The following CDC42BPA variants were observed in gnomAD, a reference collection of about 807,000 sequenced individuals.
CDC42BPA encodes the protein CDC42 binding protein kinase alpha, also known as serine/threonine-protein kinase MRCK alpha.
In CDC42BPA, 80 loss-of-function variants were observed where a neutral mutation model predicts 223.5. That is an observed-to-expected ratio of 0.36 (90% CI 0.30 to 0.43). The LOEUF is 0.43. Ranked by LOEUF, CDC42BPA falls within the 20% of genes least tolerant of loss-of-function variation. CDC42BPA has a pLI of 1.00. For missense variants in CDC42BPA, 1,743 were observed against 2,099.9 expected, an observed-to-expected ratio of 0.83 and a Z score of 3.32; for synonymous variants, 694 against 718.6, an observed-to-expected ratio of 0.97 and a Z score of 0.55.
intron 1 of CDC42BPA, among the ~76,000 whole-genome samples, chr1:227,276,600 G>A (rs972908317): frequency 9.2e-5 from 14 of 152,236 alleles, no homozygotes; most frequent in Admixed American, 2.0e-4. Context: ...TTGAGAGCGG[G>A]CCATGATGAC....
chr1:226,997,576 T>A (rs2148260212), intron 35 of CDC42BPA, among the ~76,000 whole-genome samples: 1 of 152,354 alleles, frequency 6.6e-6, no homozygotes, highest in African/African-American at 2.4e-5. Flanking sequence ...CGCTTTCTCC[T>A]GTGGGCATTT....
At chr1:227,250,077 C>T (rs1375311273) in intron 2 of CDC42BPA, among the ~76,000 whole-genome samples, 1 of 152,114 alleles carries the variant, frequency 6.6e-6, no homozygotes, top group Non-Finnish European at 1.5e-5. Flanking sequence ...TTTGAAATAA[C>T]GTGGATATCC....
chr1:227,287,662 G>A (rs1171925260), intron 1 of CDC42BPA, among the ~76,000 whole-genome samples: 1 of 152,084 alleles, frequency 6.6e-6, no homozygotes, highest in Non-Finnish European at 1.5e-5. Context: ...GGGTTCCTAC[G>A]TGACTAGCCA....
intron 4 of CDC42BPA, among the ~76,000 whole-genome samples, chr1:227,197,702 C>T (rs1344499515): frequency 3.3e-5 from 5 of 151,978 alleles, no homozygotes; most frequent in Non-Finnish European, 7.4e-5. Context: ...TTAAGCAATG[C>T]ACAAATCTGC....
At chr1:227,059,473 G>A in intron 21 of CDC42BPA, 1 of 1,377,398 alleles carries the variant, frequency 7.3e-7, no homozygotes, top group Non-Finnish European at 1.0e-6. Context: ...GACTCTCAAG[G>A]ACTACTATTG....
intron 14 of CDC42BPA, among the ~76,000 whole-genome samples, chr1:227,111,780 G>A (rs1202428925): frequency 1.3e-5 from 2 of 152,176 alleles, no homozygotes; most frequent in Non-Finnish European, 2.9e-5. Context: ...ACTGTGCCCG[G>A]CCCCATAATG....
rs1413217575 is a variant in CDC42BPA at position 227,317,528 on chromosome 1, A to C, written c.-346T>G. ...CACTTCTTTAAAAAAAAAAAAAAAA[A>C]CTCTTCTCCTTCATTCAAAATTCAA... is the stretch of plus-strand genomic sequence containing the variant. On this transcript the variant is annotated 5_prime_UTR_variant, in exon 1 of 37. Coordinates refer to ENST00000366766, the MANE Select transcript of CDC42BPA (RefSeq NM_001394014.1). 5 of 393,520 alleles carry C rather than the reference A, an allele frequency of 1.3e-5. No individual in the cohort carries two copies. In the East Asian group the frequency reaches 1.4e-4, roughly 11 times the overall value. 24.4% of individuals were successfully genotyped at this position (393,520 alleles called of 1,614,324 possible).
chr1:227,020,933 T>C (rs1667249343), intron 32 of CDC42BPA, among the ~76,000 whole-genome samples: 1 of 152,162 alleles, frequency 6.6e-6, no homozygotes, highest in Non-Finnish European at 1.5e-5. Flanking sequence ...GGCTATTAAT[T>C]GGGCTATTTC....
At chr1:227,040,672 C>T (rs1223281019) in intron 23 of CDC42BPA, among the ~76,000 whole-genome samples, 5 of 152,134 alleles carry the variant, frequency 3.3e-5, no homozygotes, top group Non-Finnish European at 7.4e-5. Flanking sequence ...ATTGTTTCTA[C>T]TGTAAATCAT....
At chr1:227,103,978 CAAA>C (rs1685475842) in intron 14 of CDC42BPA, among the ~76,000 whole-genome samples, 2 of 151,840 alleles carry the variant, frequency 1.3e-5, no homozygotes, top group African/African-American at 2.4e-5. Flanking sequence ...GAAACAAGAT[CAAA>C]ATTAAGGGAT....
At chr1:227,284,004 G>A (rs1207929581) in intron 1 of CDC42BPA, among the ~76,000 whole-genome samples, 2 of 152,122 alleles carry the variant, frequency 1.3e-5, no homozygotes, top group Non-Finnish European at 2.9e-5. Context: ...GGGCTGCAGT[G>A]AGACAAGATC....
intron 34 of CDC42BPA, among the ~76,000 whole-genome samples, chr1:227,006,701 CT>C (rs1244481978): frequency 6.6e-6 from 1 of 152,140 alleles, no homozygotes; most frequent in African/African-American, 2.4e-5. Context: ...CTTTGGGAGA[CT>C]GAGGTGGGCA....
chr1:227,306,138 GTTTTT>G (rs56027762), intron 1 of CDC42BPA, among the ~76,000 whole-genome samples: 69 of 135,710 alleles, frequency 5.1e-4, no homozygotes, highest in East Asian at 1.7e-3. Context: ...GTTCTAAGTG[GTTTTT>G]TTTTTTTTTT....
intron 2 of CDC42BPA, among the ~76,000 whole-genome samples, chr1:227,231,506 G>C (rs1677957653): frequency 1.3e-5 from 2 of 152,112 alleles, no homozygotes. Context: ...CCAGTAATGG[G>C]ATGGCTGGGT....
At chr1:227,184,371 C>T (rs1210441529) in intron 5 of CDC42BPA, among the ~76,000 whole-genome samples, 2 of 149,588 alleles carry the variant, frequency 1.3e-5, no homozygotes, top group Non-Finnish European at 3.0e-5. Context: ...TTTATGAGAG[C>T]TTTGGGGAAG....
rs186546066 is a variant in CDC42BPA, at chr1:227,229,211, G to C, written c.271-15992C>G. On this transcript the variant is annotated intron_variant, in intron 2 of 36. Coordinates refer to ENST00000366766, the MANE Select transcript of CDC42BPA (RefSeq NM_001394014.1). ...ATTTTTGAATATGGTATGAAGTAGA[G>C]TCCAACTTCATTCTTTCACATGTGG... Among the ~76,000 whole-genome samples the C allele has an allele frequency of 1.4e-3, 211 of 152,154 alleles. 2 individuals are homozygous for C. The highest frequency in any genetic ancestry group is 7.1e-4 in the Non-Finnish European group (48 of 68,006).
chr1:227,108,884 T>C lies in CDC42BPA; in HGVS notation c.2001+3428A>G, dbSNP rs139121040. ...TACAGCCTACTACACACCTAGGCTATATGGTATAGCCTATTGCTCCCAGGT... is the reference window on the plus strand; with the variant it reads ...TACAGCCTACTACACACCTAGGCTACATGGTATAGCCTATTGCTCCCAGGT... On this transcript the variant is annotated intron_variant, in intron 14 of 36. Coordinates refer to ENST00000366766, the MANE Select transcript of CDC42BPA (RefSeq NM_001394014.1). Among the ~76,000 whole-genome samples, 240 of 152,274 alleles carry C rather than the reference T, an allele frequency of 1.6e-3. 1 individual carries two copies. Among genetic ancestry groups the C allele is most frequent in the African/African-American group, 5.3e-3 (222 of 41,558 alleles).
chr1:227,227,310 A>T, intron 2 of CDC42BPA, among the ~76,000 whole-genome samples: 1 of 152,314 alleles, frequency 6.6e-6, no homozygotes, highest in Non-Finnish European at 1.5e-5. Context: ...AAAACTGGCC[A>T]TCTCTCTTCT....
rs149058999 is a variant in CDC42BPA, at chr1:227,286,364, T to TCCTA, written c.178+30637_178+30640dup. 4.5e-3 allele frequency among the ~76,000 whole-genome samples: 687 copies of TCCTA among 152,352 alleles called. 5 individuals carry two copies. The highest frequency in any genetic ancestry group is 0.016 in the African/African-American group (662 of 41,582). On this transcript the variant is annotated intron_variant, in intron 1 of 36. Transcript: ENST00000366766. ...CTCTTAAGATCAGCCTTTCACAAAG[T>TCCTA]CCTAGAACATGGACACAATGCAGTC...
Sources: gnomAD v4.1 joint callset for allele counts (sites outside exome capture counted in the v4.1 genomes callset) on GRCh38, gnomAD v4.1.1 for gene constraint, MANE v1.5 for transcripts, NCBI Gene and HGNC (gene_info 2026-07-23, HGNC 2026-07-21) for gene names.